TNS3: variants seen among roughly 807,000 people sequenced by gnomAD.
The protein encoded by TNS3 is tensin 3.
A neutral mutation model predicts 140.9 loss-of-function variants in TNS3; 45 were observed. The observed-to-expected ratio is 0.32, with a 90% CI of 0.25 to 0.41. TNS3 has a LOEUF of 0.41. Ranked by LOEUF, TNS3 falls within the 10% of genes least tolerant of loss-of-function variation. The pLI, the probability that TNS3 is intolerant of heterozygous loss-of-function variation, is 1.00. For synonymous variants in TNS3, 815 were observed against 788.4 expected (o/e 1.03, Z -0.56); for missense variants, 1,716 against 1,906.7 (o/e 0.90, Z 1.86).
intron 3 of TNS3, among the ~76,000 whole-genome samples, chr7:47,496,149 T>C (rs888423214): frequency 7.2e-5 from 11 of 152,184 alleles, no homozygotes; most frequent in African/African-American, 2.6e-4. Context: ...GGAGGAAGCA[T>C]ACATTATAGA....
At chr7:47,551,273 G>A (rs1390697561) in intron 1 of TNS3, among the ~76,000 whole-genome samples, 1 of 152,258 alleles carries the variant, frequency 6.6e-6, no homozygotes, top group Non-Finnish European at 1.5e-5. Context: ...CTGGACTCGG[G>A]AACTGAGCAA....
chr7:47,372,067 G>C (rs368561581), intron 16 of TNS3, among the ~76,000 whole-genome samples: 1 of 152,232 alleles, frequency 6.6e-6, no homozygotes, highest in Non-Finnish European at 1.5e-5. Flanking sequence ...ACAAATGAAA[G>C]AACCTGGTAA....
intron 2 of TNS3, among the ~76,000 whole-genome samples, chr7:47,519,982 C>T (rs1798914810): frequency 1.3e-5 from 2 of 151,968 alleles, no homozygotes; most frequent in Admixed American, 6.5e-5. Context: ...CGCCACCACA[C>T]CTGCTAATTT....
chr7:47,572,684 T>C (rs1352506624), intron 1 of TNS3, among the ~76,000 whole-genome samples: 3 of 152,154 alleles, frequency 2.0e-5, no homozygotes, highest in Non-Finnish European at 4.4e-5. Context: ...GAGACCAGCC[T>C]GGCCAACATG....
chr7:47,558,629 A>G lies in TNS3; in HGVS notation c.-265+23422T>C, dbSNP rs961724239. ...CACCGACTCCTGTTTCGTCGATGGA[A>G]AAACTGGGACAAAATAACCACAGCC... On this transcript the variant is annotated intron_variant, in intron 1 of 30. Coordinates refer to ENST00000311160, the MANE Select transcript of TNS3 (RefSeq NM_022748.12). Among the ~76,000 whole-genome samples, 6 of 152,250 alleles carry G rather than the reference A, an allele frequency of 3.9e-5. No homozygotes were observed. The East Asian group carries it at 9.7e-4, about 25-fold the overall frequency.
At chr7:47,501,396 C>T (rs1424928722) in intron 3 of TNS3, among the ~76,000 whole-genome samples, 2 of 152,188 alleles carry the variant, frequency 1.3e-5, no homozygotes, top group Non-Finnish European at 2.9e-5. Context: ...CCATCCTCCA[C>T]CAACAGCCCA....
chr7:47,412,294 C>T (rs964371069), intron 12 of TNS3, among the ~76,000 whole-genome samples: 1 of 152,180 alleles, frequency 6.6e-6, no homozygotes, highest in Non-Finnish European at 1.5e-5. Context: ...GGAATGTGTA[C>T]AAATTTGGGG....
At chr7:47,341,724 C>T (rs1789029629) in intron 20 of TNS3, among the ~76,000 whole-genome samples, 1 of 151,824 alleles carries the variant, frequency 6.6e-6, no homozygotes, top group African/African-American at 2.4e-5. Flanking sequence ...TAAATTTCTG[C>T]TTAGATTTTT....
At chr7:47,500,250 C>G (rs900265645) in intron 3 of TNS3, among the ~76,000 whole-genome samples, 1 of 152,196 alleles carries the variant, frequency 6.6e-6, no homozygotes, top group African/African-American at 2.4e-5. Flanking sequence ...GAGAGCTACC[C>G]TCAGGAAATG....
At chr7:47,532,570 G>A (rs966193910) in intron 1 of TNS3, among the ~76,000 whole-genome samples, 4 of 152,210 alleles carry the variant, frequency 2.6e-5, no homozygotes, top group Middle Eastern at 6.8e-3. Context: ...AGCAGAGGTC[G>A]GGATGACCTG....
intron 2 of TNS3, among the ~76,000 whole-genome samples, chr7:47,513,736 G>A (rs759336336): frequency 3.9e-5 from 6 of 152,322 alleles, no homozygotes; most frequent in African/African-American, 7.2e-5. Context: ...TTCCTGTGAG[G>A]AGCCTGAACC....
intron 1 of TNS3, among the ~76,000 whole-genome samples, chr7:47,553,219 C>T (rs551343276): frequency 3.3e-5 from 5 of 152,258 alleles, no homozygotes; most frequent in East Asian, 1.9e-4. Context: ...TAGAAGCTGC[C>T]GCAAGTTATT....
intron 21 of TNS3, among the ~76,000 whole-genome samples, chr7:47,303,859 C>T (rs1786579776): frequency 6.6e-6 from 1 of 152,238 alleles, no homozygotes; most frequent in Non-Finnish European, 1.5e-5. Flanking sequence ...TGCGCAGATG[C>T]TGCTCCCTCG....
At chr7:47,281,127 G>C (rs889083854) in intron 28 of TNS3, among the ~76,000 whole-genome samples, 1 of 152,182 alleles carries the variant, frequency 6.6e-6, no homozygotes. Context: ...GTCAGATGCA[G>C]TCACAGGTCT....
intron 17 of TNS3, among the ~76,000 whole-genome samples, chr7:47,349,716 G>C (rs1789553372): frequency 6.6e-6 from 1 of 152,242 alleles, no homozygotes; most frequent in African/African-American, 2.4e-5. Flanking sequence ...GAAATGAGAA[G>C]TTTGAAACGC....
chr7:47,496,648 A>T (rs1798018085), intron 3 of TNS3, among the ~76,000 whole-genome samples: 1 of 152,198 alleles, frequency 6.6e-6, no homozygotes. Flanking sequence ...GGGAGAGTCC[A>T]CGCACACGCA....
intron 3 of TNS3, among the ~76,000 whole-genome samples, chr7:47,500,113 T>C (rs536635281): frequency 1.4e-4 from 22 of 152,182 alleles, no homozygotes; most frequent in African/African-American, 5.3e-4. Flanking sequence ...ACACACACAC[T>C]TGGCAAACAT....
chr7:47,510,143 T>A lies in TNS3; in HGVS notation c.-152-3199A>T, dbSNP rs1798557047. Among the ~76,000 whole-genome samples, 2 of 152,168 alleles carry A rather than the reference T, an allele frequency of 1.3e-5. 1 individual carries two copies. Among genetic ancestry groups the A allele is most frequent in the South Asian group, 4.1e-4 (2 of 4,824 alleles). ...CACGTGCTGGACAACTGTGTCCCAA[T>A]CTTGACCTGTTCCAGGTCTGCTTTC... On this transcript the variant is annotated intron_variant, in intron 2 of 30. Transcript: ENST00000311160.
At chr7:47,345,331 G>A (rs893665978) in intron 18 of TNS3, among the ~76,000 whole-genome samples, 2 of 152,180 alleles carry the variant, frequency 1.3e-5, no homozygotes, top group African/African-American at 4.8e-5. Flanking sequence ...GTTTGTAATG[G>A]TACAGGTAAA....
Sources: allele counts gnomAD v4.1 joint callset (sites outside exome capture counted in the v4.1 genomes callset), GRCh38; gene constraint gnomAD v4.1.1; transcripts MANE v1.5; gene names NCBI Gene and HGNC (gene_info 2026-07-23, HGNC 2026-07-21).